Variants in ZNF100 observed in about 807,000 individuals in gnomAD.
ZNF100 encodes the protein zinc finger protein 100 (Y1).
ZNF100 carries 12 observed loss-of-function variants against 15.8 expected under a neutral mutation model. The ratio of observed to expected loss-of-function variants is 0.76; its 90% CI spans 0.49 to 1.23. The LOEUF (loss-of-function observed/expected upper bound fraction) is 1.23, where lower values mean the gene tolerates loss of function less well. Ranked by LOEUF, ZNF100 falls within the 50% of genes most tolerant of loss-of-function variation. The probability of loss-of-function intolerance (pLI) is 0.00; values close to 1 mark genes in which losing one functional copy is unlikely to be tolerated. For missense variants in ZNF100, 670 were observed against 635.6 expected (o/e 1.05, Z -0.58); for synonymous variants, 226 against 214.8 (o/e 1.05, Z -0.45).
intron 2 of ZNF100, among the ~76,000 whole-genome samples, chr19:21,764,565 G>A (rs1031847646): frequency 8.6e-5 from 13 of 151,932 alleles, no homozygotes; most frequent in South Asian, 4.2e-4. Context: ...ACTTGAACCC[G>A]GGAGGCGGAG....
chr19:21,763,488 G>C (rs565943037), intron 2 of ZNF100, among the ~76,000 whole-genome samples: 1 of 152,256 alleles, frequency 6.6e-6, no homozygotes, highest in Admixed American at 6.5e-5. Context: ...TACTTGGGAG[G>C]CTGAGGCAAA....
intron 2 of ZNF100, chr19:21,746,879 G>T (rs962432113): frequency 2.0e-5 from 3 of 152,154 alleles, no homozygotes; most frequent in Middle Eastern, 6.8e-3. Context: ...ATCCTTTTCA[G>T]ATGAAATTCT....
intron 2 of ZNF100, among the ~76,000 whole-genome samples, chr19:21,763,595 A>G (rs932046586): frequency 5.3e-5 from 8 of 150,262 alleles, no homozygotes; most frequent in East Asian, 4.0e-4. Flanking sequence ...TCCCGGGGGG[A>G]AAAAAATCAG....
intron 2 of ZNF100, chr19:21,751,030 C>G: frequency 7.6e-7 from 1 of 1,315,804 alleles, no homozygotes; most frequent in Middle Eastern, 2.6e-4. Flanking sequence ...GGGCCACCAC[C>G]TGCAGCACAT....
intron 2 of ZNF100, chr19:21,751,209 A>G: frequency 7.7e-7 from 1 of 1,295,204 alleles, no homozygotes; most frequent in South Asian, 1.2e-5. Flanking sequence ...AGTATAGCTC[A>G]TGCTCAACAA....
rs36010088 is a variant in ZNF100, at chr19:21,756,490, C to CCACA, written c.96+9200_96+9203dup. ...AAAAACATAATGCCATTCACAATTG[C>CCACA]CACACACACACACACACAAATATCG... On this transcript the variant is annotated intron_variant, in intron 2 of 4. Transcript: ENST00000358296. Among the ~76,000 whole-genome samples, 870 of 150,462 alleles carry CCACA rather than the reference C, an allele frequency of 5.8e-3. 2 individuals carry two copies. Among genetic ancestry groups the CCACA allele is most frequent in the African/African-American group, 0.017 (711 of 41,128 alleles).
rs537147469 is a variant in ZNF100, at chr19:21,725,959, G to C, written c.*724C>G. 8 of 150,562 alleles carry C rather than the reference G, an allele frequency of 5.3e-5. No homozygotes were observed. Among genetic ancestry groups the C allele is most frequent in the Admixed American group, 3.4e-4 (5 of 14,872 alleles). 9.3% of individuals were successfully genotyped at this position (150,562 alleles called of 1,614,324 possible). ...ACTCTCTGGTGTTTTCTAAGCTGTA[G>C]TTTTTGAAAAAGTATTTTTCCAACT... On this transcript the variant is annotated 3_prime_UTR_variant, in exon 5 of 5. Transcript: ENST00000358296.
Position 21,767,540 on chromosome 19 carries a change from A to C in ZNF100, c.-111T>G. 6.7e-7 allele frequency: 1 copy of C among 1,490,736 alleles called. No homozygotes were observed. The highest frequency in any genetic ancestry group is 1.2e-5 in the South Asian group (1 of 80,284). 92.3% of individuals were successfully genotyped at this position (1,490,736 alleles called of 1,614,324 possible). A position where few individuals can be genotyped will look rare whatever the true frequency, so the allele number is the denominator to read the frequency against. On this transcript the variant is annotated 5_prime_UTR_variant, in exon 1 of 5. Coordinates refer to ENST00000358296, the MANE Select transcript of ZNF100 (RefSeq NM_173531.4). ...GGAGCAGAAGACACAGAGAAGTGAGAGCAAAACCTGGAGCTCCGGCTACAG... is the reference window on the plus strand; with the variant it reads ...GGAGCAGAAGACACAGAGAAGTGAGCGCAAAACCTGGAGCTCCGGCTACAG...
rs181149096 is a variant in ZNF100 at position 21,747,223 on chromosome 19, C to T, written c.97-2156G>A. Among the ~76,000 whole-genome samples, 219 of 152,302 alleles carry T rather than the reference C, an allele frequency of 1.4e-3. 1 individual carries two copies. Among genetic ancestry groups the T allele is most frequent in the Admixed American group, 0.013 (196 of 15,298 alleles). Reference sequence around the variant, plus strand: ...CCTTTAGTGCAAAGGTGGCACTTAACTCTCATGAATGTATCTTGAAGCCCT... The same window carrying T: ...CCTTTAGTGCAAAGGTGGCACTTAATTCTCATGAATGTATCTTGAAGCCCT... On this transcript the variant is annotated intron_variant, in intron 2 of 4. Transcript: ENST00000358296.
intron 4 of ZNF100, among the ~76,000 whole-genome samples, chr19:21,737,864 C>T (rs999927487): frequency 2.0e-4 from 30 of 152,132 alleles, no homozygotes; most frequent in African/African-American, 7.2e-4. Context: ...GGAACTCCTC[C>T]CTCATTTTAT....
chr19:21,753,222 C>A (rs138801128), intron 2 of ZNF100: 1 of 152,032 alleles, frequency 6.6e-6, no homozygotes, highest in Non-Finnish European at 1.5e-5. Flanking sequence ...ATAGCTACTG[C>A]ACTTCAACCT....
chr19:21,749,166 T>C (rs541264548), intron 2 of ZNF100, among the ~76,000 whole-genome samples: 25 of 152,066 alleles, frequency 1.6e-4, no homozygotes, highest in African/African-American at 5.8e-4. Context: ...CCTTATGAAA[T>C]GGAAGCAATT....
At position 21,744,177 on chromosome 19, in the gene ZNF100, T is replaced by C. The variant is rs143943056; in HGVS notation, c.224-62A>G. The C allele has an allele frequency of 8.8e-4, 1,195 of 1,363,496 alleles. 4 individuals carry two copies. The African/African-American group carries it at 0.015, about 18-fold the overall frequency. 84.5% of individuals were successfully genotyped at this position (1,363,496 alleles called of 1,614,324 possible). A position where few individuals can be genotyped will look rare whatever the true frequency, so the allele number is the denominator to read the frequency against. The stretch of plus-strand genomic sequence containing the variant: ...TTCTCCAATTACCAACCTAGTACTA[T>C]GCTTAGTAAAGAGGAGGTGATAGAA... On this transcript the variant is annotated intron_variant, in intron 3 of 4. Transcript: ENST00000358296.
Position 21,727,028 on chromosome 19 carries a change from G to A in ZNF100, c.1284C>T (p.Pro428=), listed in dbSNP as rs775186467. 2.9e-5 allele frequency: 47 copies of A among 1,613,360 alleles called. No individual in the cohort carries two copies. Among genetic ancestry groups the A allele is most frequent in the Middle Eastern group, 3.3e-4 (2 of 6,082 alleles). The change falls in exon 5 of 5, where the codon CCC becomes CCT. Residue 428 remains proline, a synonymous_variant. Transcript: ENST00000358296. ...CTTTGCCACATTCTTCACATTTGTA[G>A]GGTTTCTCTCCAGTATGAATTCTCT... ...KHKRIHTGEK[P]YKCEECGKAF... is the part of the protein sequence containing the mutation.
chr19:21,767,322 T>C, intron 1 of ZNF100, 105 bp downstream of exon 1: 1 of 1,588,490 alleles, frequency 6.3e-7, no homozygotes, highest in Admixed American at 1.7e-5. Flanking sequence ...AGGCGCAGAT[T>C]GTGAAGCTGA....
At position 21,742,300 on chromosome 19, in the gene ZNF100, CCCA is replaced by C. The variant is rs1164981900; in HGVS notation, c.322+1714_322+1716del. 4.1e-3 allele frequency among the ~76,000 whole-genome samples: 480 copies of C among 118,292 alleles called. 8 individuals are homozygous for C. Among genetic ancestry groups the C allele is most frequent in the African/African-American group, 0.016 (459 of 28,862 alleles). 77.6% of individuals were successfully genotyped at this position (118,292 alleles called of 152,430 possible). A position where few individuals can be genotyped will look rare whatever the true frequency, so the allele number is the denominator to read the frequency against. On this transcript the variant is annotated intron_variant, in intron 4 of 4. Coordinates refer to ENST00000358296, the MANE Select transcript of ZNF100 (RefSeq NM_173531.4). ...CGACAGAGCAAGACTCTGTCCCCCA[CCCA>C]AAAAAAAAAAAAAAAGATTTAAGAT...
chr19:21,734,422 G>C (rs1312362183), intron 4 of ZNF100, among the ~76,000 whole-genome samples: 1 of 152,010 alleles, frequency 6.6e-6, no homozygotes, highest in Non-Finnish European at 1.5e-5. Flanking sequence ...GCAACCACAA[G>C]TATCAGTAAC....
At chr19:21,742,194 C>T (rs562654802) in intron 4 of ZNF100, among the ~76,000 whole-genome samples, 18 of 151,278 alleles carry the variant, frequency 1.2e-4, no homozygotes, top group African/African-American at 4.1e-4. Flanking sequence ...CTACTCGGGA[C>T]GCTGAGGCAG....
In ZNF100 at chr19:21,725,839, A is replaced by C. The variant is rs559710590; in HGVS notation, c.*844T>G. 6.6e-6 allele frequency: 1 copy of C among 152,000 alleles called. No homozygotes were observed. The highest frequency in any genetic ancestry group is 1.9e-4 in the East Asian group (1 of 5,190). The allele number at this position is 152,000 out of a possible 1,614,324, so 9.4% of individuals were successfully genotyped here. On this transcript the variant is annotated 3_prime_UTR_variant, in exon 5 of 5. Coordinates refer to ENST00000358296, the MANE Select transcript of ZNF100 (RefSeq NM_173531.4). ...AATACCTGAAGCATCAGTGCCTTAC[A>C]TATTTCTACTGTAAATTCTCTGATA... is the stretch of plus-strand genomic sequence containing the variant.
Sources: allele counts gnomAD v4.1 joint callset (sites outside exome capture counted in the v4.1 genomes callset), GRCh38; gene constraint gnomAD v4.1.1; transcripts MANE v1.5; gene names NCBI Gene and HGNC (gene_info 2026-07-23, HGNC 2026-07-21).